The following USP43 variants were observed in gnomAD, a reference collection of about 807,000 sequenced individuals.
The protein encoded by USP43 is ubiquitin carboxyl-terminal hydrolase 43.
USP43 carries 33 observed loss-of-function variants against 90.7 expected under a neutral mutation model. The observed-to-expected ratio is 0.36, with a 90% confidence interval of 0.28 to 0.49. The LOEUF is 0.49. USP43 is among the 20% of genes least tolerant of loss of function. The pLI is 0.98. For missense variants in USP43, 1,274 were observed against 1,476.4 expected (o/e 0.86, Z 2.25); for synonymous variants, 598 against 615.8 (o/e 0.97, Z 0.43).
intron 1 of USP43, among the ~76,000 whole-genome samples, chr17:9,655,410 G>A (rs1912171160): frequency 6.6e-6 from 1 of 152,230 alleles, no homozygotes; most frequent in Non-Finnish European, 1.5e-5. Flanking sequence ...CCCTGAGAAG[G>A]GGTACCACGG....
At chr17:9,681,361 A>T (rs1384504807) in intron 6 of USP43, among the ~76,000 whole-genome samples, 2 of 117,426 alleles carry the variant, frequency 1.7e-5, no homozygotes, top group East Asian at 2.2e-4. Flanking sequence ...AAATAAATAA[A>T]ATAAATAAAT....
chr17:9,653,145 C>G (rs4791857), intron 1 of USP43, among the ~76,000 whole-genome samples: 17,061 of 152,130 alleles, frequency 0.11, 1,085 homozygotes, highest in East Asian at 0.31. Flanking sequence ...ATTTTTAAGG[C>G]CCTATCTTGT....
Position 9,676,663 on chromosome 17 carries a change from C to T in USP43, c.834-83C>T, listed in dbSNP as rs988611852. 6.2e-5 allele frequency: 93 copies of T among 1,502,694 alleles called. No individual in the cohort carries two copies. The Middle Eastern group carries it at 7.1e-4, about 11-fold the overall frequency. The allele number at this position is 1,502,694 out of a possible 1,614,324, so 93.1% of individuals were successfully genotyped here. A position where few individuals can be genotyped will look rare whatever the true frequency, so the allele number is the denominator to read the frequency against. On this transcript the variant is annotated intron_variant, in intron 4 of 14. Transcript: ENST00000285199. ...CTAGGATTACAGGTGTGAGCCACTG[C>T]GCCTGGCCTTGATCCATTATCAACA...
Position 9,728,598 on chromosome 17 carries a change from G to A in USP43, c.2980G>A (p.Gly994Arg), listed in dbSNP as rs770219843. 10 of 1,613,912 alleles carry A rather than the reference G, an allele frequency of 6.2e-6. No homozygotes were observed. Among genetic ancestry groups the A allele is most frequent in the South Asian group, 4.4e-5 (4 of 91,062 alleles). Residue 994 changes from glycine to arginine, a missense_variant, in exon 15 of 15, where the codon GGG (glycine) becomes AGG (arginine). Coordinates refer to ENST00000285199, the MANE Select transcript of USP43 (RefSeq NM_153210.5). The surrounding 1 kb of genome is among the most constrained non-coding windows in gnomAD (Gnocchi z 6.2). ...CTCTGAGCTAGACAGACCCCTGCAG[G>A]GGACACTCACCCTTCTGAGGTCCGT... ...GTSELDRPLQ[G>R]TLTLLRSVFR...
Position 9,701,620 on chromosome 17 carries a change from C to A in USP43, c.1931C>A (p.Thr644Asn). Residue 644 changes from threonine to asparagine, a missense_variant, in exon 12 of 15, where the codon ACC becomes AAC. By Grantham distance (65) the Thr-to-Asn change is moderately conservative (BLOSUM62 0). Around this residue, in one of 6 missense-constraint regions of USP43, gnomAD observed 285 missense variants for 349.6 expected, o/e 0.82. Transcript: ENST00000285199. This position sits in a 1 kb window ranked among gnomAD's most constrained non-coding sequence, Gnocchi z 7.2. Reference protein sequence around the residue: ...PSWKQPDCLPTSYPLDFLYDL... With the variant: ...PSWKQPDCLPNSYPLDFLYDL... ...TGGAAGCAGCCGGACTGCCTGCCCA[C>A]CAGTTACCCGCTGGACTTCCTGTAC... 2 of 1,588,318 alleles carry A rather than the reference C, an allele frequency of 1.3e-6. No individual in the cohort carries two copies. Among genetic ancestry groups the A allele is most frequent in the Non-Finnish European group, 8.6e-7 (1 of 1,168,178 alleles).
chr17:9,682,874 A>G lies in USP43; in HGVS notation c.1157A>G (p.Gln386Arg). 1 of 1,614,054 alleles carries G rather than the reference A, an allele frequency of 6.2e-7. No homozygotes were observed. Among genetic ancestry groups the G allele is most frequent in the South Asian group, 1.1e-5 (1 of 91,088 alleles). The part of the protein sequence containing the change: ...ASPRLAAREG[Q>R]RFSLSLHSES... ...CCACGCCTGGCAGCCCGTGAGGGCC[A>G]GCGATTCTCCCTCTCTCTCCACAGT... The change falls in exon 7 of 15, where the codon CAG becomes CGG. Residue 386 changes from glutamine to arginine, a missense_variant. Gln to Arg is a conservative substitution (Grantham distance 43). Coordinates refer to ENST00000285199, the MANE Select transcript of USP43 (RefSeq NM_153210.5).
chr17:9,722,106 A>T lies in USP43; in HGVS notation c.2336-5848A>T, dbSNP rs140214363. On this transcript the variant is annotated intron_variant, in intron 14 of 14. Coordinates refer to ENST00000285199, the MANE Select transcript of USP43 (RefSeq NM_153210.5). The stretch of plus-strand genomic sequence containing the variant: ...GCTTTATCTTGTTAGCTGCTTTGTT[A>T]CTAGGTGTCTACGGGTTTATGACTG... 1.8e-4 allele frequency among the ~76,000 whole-genome samples: 27 copies of T among 152,180 alleles called. 1 individual carries two copies. The East Asian group carries it at 4.8e-3, about 27-fold the overall frequency.
intron 1 of USP43, among the ~76,000 whole-genome samples, chr17:9,648,675 A>C (rs946268731): frequency 2.0e-5 from 3 of 152,044 alleles, no homozygotes; most frequent in African/African-American, 4.8e-5. Context: ...GGGAGAGTGC[A>C]TTCCAGGACC....
intron 13 of USP43, among the ~76,000 whole-genome samples, chr17:9,710,924 C>G (rs1334149303): frequency 2.3e-5 from 3 of 130,232 alleles, no homozygotes; most frequent in Non-Finnish European, 4.7e-5. Context: ...GACAAGAGAG[C>G]ATTAAAAAAA....
chr17:9,677,083 A>G (rs1028105779), intron 5 of USP43, among the ~76,000 whole-genome samples: 2 of 152,202 alleles, frequency 1.3e-5, no homozygotes, highest in Non-Finnish European at 2.9e-5. Context: ...CCAGAAAAGA[A>G]CACCTTTGCC....
At chr17:9,681,480 A>C (rs1236284312) in intron 6 of USP43, among the ~76,000 whole-genome samples, 1 of 24,296 alleles carries the variant, frequency 4.1e-5, no homozygotes, top group Non-Finnish European at 6.1e-5. Flanking sequence ...ATATATATAT[A>C]TATATATATA....
chr17:9,672,594 C>T (rs1464496585), intron 3 of USP43, among the ~76,000 whole-genome samples: 1 of 152,046 alleles, frequency 6.6e-6, no homozygotes, highest in South Asian at 2.1e-4. Context: ...TGCCTAGGTA[C>T]GTGATGGACA....
chr17:9,696,496 C>A (rs1915276000), intron 9 of USP43, among the ~76,000 whole-genome samples: 1 of 152,168 alleles, frequency 6.6e-6, no homozygotes, highest in Non-Finnish European at 1.5e-5. Context: ...TCTCCTAGAT[C>A]CATATCTCCT....
chr17:9,728,002 T>C lies in USP43; in HGVS notation c.2384T>C (p.Ile795Thr). The C allele has an allele frequency of 1.2e-6, 2 of 1,612,908 alleles. No individual in the cohort carries two copies. Among genetic ancestry groups the C allele is most frequent in the Non-Finnish European group, 1.7e-6 (2 of 1,179,118 alleles). Residue 795 changes from isoleucine (I) to threonine (T), a missense_variant, in exon 15 of 15, where the codon ATT becomes ACT. Transcript: ENST00000285199. This position sits in a 1 kb window ranked among gnomAD's most constrained non-coding sequence, Gnocchi z 6.2. ...GTACGGGGCGTGAAAGGCAGAAGCA[T>C]TAGCATGAAGGCACCCACCACTTCC... The part of the protein sequence containing the change: ...RLVRGVKGRS[I>T]SMKAPTTSRA...
At position 9,666,705 on chromosome 17, in the gene USP43, C is replaced by A. The variant is rs780647586; in HGVS notation, c.694C>A (p.Pro232Thr). The A allele has an allele frequency of 1.2e-6, 2 of 1,613,404 alleles. No homozygotes were observed. Among genetic ancestry groups the A allele is most frequent in the South Asian group, 2.2e-5 (2 of 90,892 alleles). ...CTGCCTGTCACCATCAGCTCAGCTTCCTCTAGGTCAAAGCTTTGTGCAAAG... is the reference window on the plus strand; with the variant it reads ...CTGCCTGTCACCATCAGCTCAGCTTACTCTAGGTCAAAGCTTTGTGCAAAG... Reference protein sequence around the residue: ...ENCLSPSAQLPLGQSFVQSHF... With the variant: ...ENCLSPSAQLTLGQSFVQSHF... Residue 232 changes from proline to threonine, a missense_variant, in exon 3 of 15, where the codon CCT (proline) becomes ACT (threonine). Physicochemically the swap from Pro to Thr is conservative, Grantham distance 38. Transcript: ENST00000285199.
chr17:9,716,350 A>G (rs982102386), intron 14 of USP43, among the ~76,000 whole-genome samples: 1 of 152,202 alleles, frequency 6.6e-6, no homozygotes, highest in Non-Finnish European at 1.5e-5. Flanking sequence ...AAAGTATATT[A>G]AGTATACAGC....
intron 1 of USP43, among the ~76,000 whole-genome samples, chr17:9,654,659 AAAAAAAAG>A (rs1016183017): frequency 6.6e-6 from 1 of 151,996 alleles, no homozygotes; most frequent in African/African-American, 2.4e-5. Flanking sequence ...TAAAAAAAAA[AAAAAAAAG>A]ACTCAGAACC....
At chr17:9,714,682 C>CAAAA (rs34258688) in intron 14 of USP43, among the ~76,000 whole-genome samples, 2 of 69,998 alleles carry the variant, frequency 2.9e-5, no homozygotes, top group East Asian at 4.3e-4. Context: ...GACTCCATCT[C>CAAAA]AAAAAAAAAA....
intron 14 of USP43, among the ~76,000 whole-genome samples, chr17:9,727,131 C>A (rs989421911): frequency 1.3e-5 from 2 of 152,098 alleles, no homozygotes; most frequent in Non-Finnish European, 2.9e-5. Flanking sequence ...TGCCACCACG[C>A]CCAGCTAATT....
Sources: gnomAD v4.1 joint callset for allele counts (sites outside exome capture counted in the v4.1 genomes callset) on GRCh38, gnomAD v4.1.1 for gene constraint, gnomAD v4.1.1 regional missense constraint, Gnocchi (gnomAD v3.1) non-coding constraint, MANE v1.5 for transcripts, NCBI Gene and HGNC (gene_info 2026-07-23, HGNC 2026-07-21) for gene names.